The following TTC8 variants were observed in gnomAD, a reference collection of about 807,000 sequenced individuals.
TTC8 encodes the protein tetratricopeptide repeat protein 8.
A neutral mutation model predicts 72.5 loss-of-function variants in TTC8; 47 were observed. That is an observed-to-expected ratio of 0.65 (90% confidence interval 0.51 to 0.83). The LOEUF (loss-of-function observed/expected upper bound fraction) is 0.83, where lower values mean the gene tolerates loss of function less well. Ranked by LOEUF, TTC8 falls within the 40% of genes least tolerant of loss-of-function variation. The pLI is 0.00. For missense variants in TTC8, 611 were observed against 623.2 expected (o/e 0.98, Z 0.21); for synonymous variants, 199 against 221.4 (o/e 0.90, Z 0.90).
chr14:88,872,816 G>A (rs1057238263), intron 13 of TTC8, among the ~76,000 whole-genome samples: 2 of 151,896 alleles, frequency 1.3e-5, no homozygotes, highest in East Asian at 1.9e-4. Flanking sequence ...CCACACCTGC[G>A]CCCACATCAT....
At chr14:88,835,568 T>C (rs2094746763) in intron 2 of TTC8, among the ~76,000 whole-genome samples, 1 of 152,202 alleles carries the variant, frequency 6.6e-6, no homozygotes, top group Non-Finnish European at 1.5e-5. Context: ...TTATTGATAT[T>C]ATGGTACTTC....
At chr14:88,857,964 AT>A (rs759334578) in intron 9 of TTC8, among the ~76,000 whole-genome samples, 319 of 135,744 alleles carry the variant, frequency 2.4e-3, no homozygotes, top group Admixed American at 2.4e-3. Context: ...TCTTTCTTTC[AT>A]TTTTTTTTTT....
chr14:88,825,848 GAT>G (rs1377365000), intron 1 of TTC8, among the ~76,000 whole-genome samples: 1 of 152,196 alleles, frequency 6.6e-6, no homozygotes, highest in African/African-American at 2.4e-5. Context: ...TTGTCTTTCA[GAT>G]AGTACATCTC....
chr14:88,824,409 G>C (rs971168586), upstream of TTC8, among the ~76,000 whole-genome samples: 1 of 152,174 alleles, frequency 6.6e-6, no homozygotes, highest in Non-Finnish European at 1.5e-5. Flanking sequence ...GGGGACCCCA[G>C]GGGCAGGTGT....
At chr14:88,828,420 G>A (rs1566829127) in intron 1 of TTC8, among the ~76,000 whole-genome samples, 3 of 152,120 alleles carry the variant, frequency 2.0e-5, no homozygotes, top group Non-Finnish European at 2.9e-5. Flanking sequence ...AGCCTCATGG[G>A]CATTTACTGA....
chr14:88,826,664 A>G (rs548141929), intron 1 of TTC8, among the ~76,000 whole-genome samples: 2 of 152,218 alleles, frequency 1.3e-5, no homozygotes, highest in African/African-American at 4.8e-5. Flanking sequence ...AGATCGCACC[A>G]CTGCACTCCA....
intron 8 of TTC8, among the ~76,000 whole-genome samples, chr14:88,853,775 A>G (rs1385858915): frequency 6.6e-6 from 1 of 152,242 alleles, no homozygotes; most frequent in Non-Finnish European, 1.5e-5. Context: ...AATGAATTTT[A>G]TGAATATTTA....
downstream of TTC8, chr14:88,879,515 G>A (rs557825516): frequency 6.6e-6 from 1 of 152,034 alleles, no homozygotes; most frequent in African/African-American, 2.4e-5. Flanking sequence ...TTACAAATGT[G>A]TCATGGCTGA....
chr14:88,871,489 A>G lies in TTC8; in HGVS notation c.1050-60A>G. ...TTAACTGTGTAAAATATATATATATATGTCTTAAAACTTACAAAGTTGGTC... is the reference window on the plus strand; with the variant it reads ...TTAACTGTGTAAAATATATATATATGTGTCTTAAAACTTACAAAGTTGGTC... On this transcript the variant is annotated intron_variant, in intron 11 of 14. Coordinates refer to ENST00000380656, the MANE Select transcript of TTC8 (RefSeq NM_144596.4). The surrounding 1 kb of genome is among the most constrained non-coding windows in gnomAD (Gnocchi z 4.1). 7.2e-7 allele frequency: 1 copy of G among 1,398,250 alleles called. No individual in the cohort carries two copies. The highest frequency in any genetic ancestry group is 1.0e-6 in the Non-Finnish European group (1 of 1,001,554). The allele number at this position is 1,398,250 out of a possible 1,614,324, so 86.6% of individuals were successfully genotyped here.
At chr14:88,869,693 T>C (rs1411415534) in intron 10 of TTC8, among the ~76,000 whole-genome samples, 1 of 152,094 alleles carries the variant, frequency 6.6e-6, no homozygotes, top group Non-Finnish European at 1.5e-5. Flanking sequence ...CCAGATATGC[T>C]CAGGGCTTGA....
intron 13 of TTC8, 78 bp from the exon 14 acceptor site, chr14:88,874,948 C>CT: frequency 8.8e-7 from 1 of 1,132,006 alleles, no homozygotes; most frequent in East Asian, 2.4e-5. Flanking sequence ...AATTCTTTTA[C>CT]CAAAAAAAAA....
At chr14:88,839,179 C>A (rs1213503136) in intron 2 of TTC8, among the ~76,000 whole-genome samples, 2 of 152,072 alleles carry the variant, frequency 1.3e-5, no homozygotes, top group East Asian at 1.9e-4. Context: ...AAAGATCTAT[C>A]TTTTTATTTA....
intron 1 of TTC8, among the ~76,000 whole-genome samples, chr14:88,826,662 C>G (rs1299721829): frequency 6.6e-6 from 1 of 152,100 alleles, no homozygotes; most frequent in Non-Finnish European, 1.5e-5. Context: ...GGAGATCGCA[C>G]CACTGCACTC....
At chr14:88,857,116 C>G in intron 8 of TTC8, 74 bp from the exon 9 acceptor site, 2 of 1,279,598 alleles carry the variant, frequency 1.6e-6, no homozygotes, top group Non-Finnish European at 1.1e-6. Flanking sequence ...TAATTTGTCT[C>G]TATTCATCCT....
chr14:88,877,553 G>A lies in TTC8; in HGVS notation c.*143G>A. On this transcript the variant is annotated 3_prime_UTR_variant, in exon 15 of 15. Coordinates refer to ENST00000380656, the MANE Select transcript of TTC8 (RefSeq NM_144596.4). ...ATATTAGTTAAGGTGACACATAAGG[G>A]TGACACAGAATGTGTAATGCAAATT... 1 of 692,256 alleles carries A rather than the reference G, an allele frequency of 1.4e-6. No individual in the cohort carries two copies. Among genetic ancestry groups the A allele is most frequent in the Admixed American group, 2.0e-5 (1 of 48,904 alleles). The allele number at this position is 692,256 out of a possible 1,614,324, so 42.9% of individuals were successfully genotyped here. A position where few individuals can be genotyped will look rare whatever the true frequency, so the allele number is the denominator to read the frequency against.
At chr14:88,843,511 A>G (rs1288364843) in intron 6 of TTC8, among the ~76,000 whole-genome samples, 2 of 152,232 alleles carry the variant, frequency 1.3e-5, no homozygotes, top group East Asian at 3.8e-4. Context: ...GAGAATATAA[A>G]GAATTGTCTG....
chr14:88,862,268 G>A (rs1470677065), intron 10 of TTC8, among the ~76,000 whole-genome samples: 3 of 151,566 alleles, frequency 2.0e-5, no homozygotes, highest in East Asian at 1.9e-4. Flanking sequence ...ATACCTGTTG[G>A]CCATTTGTAT....
Position 88,824,837 on chromosome 14 carries a change from C to G in TTC8, c.114+16C>G. ...TTATGACCAGGTACCGGCCAGCTCC[C>G]GTCAGCCTGTGCATCCTGACGCTGA... On this transcript the variant is annotated intron_variant, in intron 1 of 14. Coordinates refer to ENST00000380656, the MANE Select transcript of TTC8 (RefSeq NM_144596.4). 1 of 1,602,544 alleles carries G rather than the reference C, an allele frequency of 6.2e-7. No individual in the cohort carries two copies. Among genetic ancestry groups the G allele is most frequent in the South Asian group, 1.1e-5 (1 of 90,014 alleles).
chr14:88,864,733 A>G (rs1431794813), intron 10 of TTC8, among the ~76,000 whole-genome samples: 5 of 152,194 alleles, frequency 3.3e-5, no homozygotes, highest in Admixed American at 1.3e-4. Flanking sequence ...TGGTGGCAGT[A>G]TTTCTGTCTT....
Sources: gnomAD v4.1 joint callset for allele counts (sites outside exome capture counted in the v4.1 genomes callset) on GRCh38, gnomAD v4.1.1 for gene constraint, Gnocchi (gnomAD v3.1) non-coding constraint, MANE v1.5 for transcripts, NCBI Gene and HGNC (gene_info 2026-07-23, HGNC 2026-07-21) for gene names.